Variants in KANSL3 observed in about 807,000 individuals in gnomAD.
The protein encoded by KANSL3 is KAT8 regulatory NSL complex subunit 3, also known as NSL complex protein NSL3.
Under a neutral mutation model 89.2 loss-of-function variants are expected in KANSL3, and 16 were observed. The observed-to-expected ratio is 0.18, with a 90% confidence interval of 0.12 to 0.27. The LOEUF (loss-of-function observed/expected upper bound fraction) is 0.27, where lower values mean the gene tolerates loss of function less well. KANSL3 is among the 10% of genes least tolerant of loss of function. The pLI, the probability that KANSL3 is intolerant of heterozygous loss-of-function variation, is 1.00. For synonymous variants in KANSL3, 385 were observed against 419.7 expected (o/e 0.92, Z 1.01); for missense variants, 879 against 1,110.6 (o/e 0.79, Z 2.96).
At chr2:96,584,521 T>C in the KANSL3 span, among the ~76,000 whole-genome samples, 3 of 152,220 alleles carry the variant, frequency 2.0e-5, no homozygotes, top group African/African-American at 7.2e-5. Flanking sequence ...TTGTTAATTA[T>C]AGTCAGCCTA....
Position 96,619,342 on chromosome 2 carries a change from C to A in KANSL3, c.663+17G>T, listed in dbSNP as rs1573512821. ...TGGCTATCCCTAGGACAGGGCAGACCCCAATCACAGCCTTACCTTCCCCTT... is the reference window on the plus strand; with the variant it reads ...TGGCTATCCCTAGGACAGGGCAGACACCAATCACAGCCTTACCTTCCCCTT... On this transcript the variant is annotated intron_variant, in intron 5 of 20. Transcript: ENST00000431828. 3 of 1,601,656 alleles carry A rather than the reference C, an allele frequency of 1.9e-6. No individual in the cohort carries two copies. The highest frequency in any genetic ancestry group is 2.6e-6 in the Non-Finnish European group (3 of 1,173,126).
intron 20 of KANSL3, among the ~76,000 whole-genome samples, chr2:96,601,078 G>A (rs1247356375): frequency 6.6e-6 from 1 of 152,186 alleles, no homozygotes; most frequent in Non-Finnish European, 1.5e-5. Context: ...CTTGAGGTCA[G>A]GAGTACGAGG....
intron 14 of KANSL3, chr2:96,607,096 G>A (rs926663415): frequency 1.8e-6 from 2 of 1,126,494 alleles, no homozygotes; most frequent in Non-Finnish European, 2.4e-6. Flanking sequence ...CCAGAGAAGG[G>A]AGAAAAAGAG....
chr2:96,605,576 T>C, intron 14 of KANSL3, 65 bp from the exon 15 acceptor site: 2 of 1,315,134 alleles, frequency 1.5e-6, no homozygotes, highest in East Asian at 2.3e-5. Flanking sequence ...ACTCAGTCAA[T>C]ACCAGCACCA....
chr2:96,613,619 T>G lies in KANSL3; in HGVS notation c.664A>C (p.Ile222Leu). Reference sequence around the variant, plus strand: ...AGCATCCGGTCAATCAAGGTTGGGATCTACAAAGAAGAAAGAGCAAAGATG... The same window carrying G: ...AGCATCCGGTCAATCAAGGTTGGGAGCTACAAAGAAGAAAGAGCAAAGATG... The part of the protein sequence containing the change: ...LDALQTLKGK[I>L]PTLIDRMLVS... Residue 222 changes from isoleucine to leucine, a missense_variant and splice_region_variant, in exon 6 of 21, where the codon ATC becomes CTC. Ile to Leu is a conservative substitution (Grantham distance 5). This residue lies in a region of KANSL3 where 210 missense variants were observed against 311.9 expected (regional missense o/e 0.67). Transcript: ENST00000431828. The G allele has an allele frequency of 2.5e-6, 4 of 1,611,888 alleles. No individual in the cohort carries two copies. Among genetic ancestry groups the G allele is most frequent in the Non-Finnish European group, 3.4e-6 (4 of 1,178,818 alleles).
chr2:96,610,691 A>G, intron 11 of KANSL3, 35 bp downstream of exon 11: 1 of 1,610,798 alleles, frequency 6.2e-7, no homozygotes, highest in South Asian at 1.1e-5. Context: ...ACACTGTAAC[A>G]CAGCTCTCTT....
At chr2:96,604,045 G>A in intron 17 of KANSL3, 1 of 492,826 alleles carries the variant, frequency 2.0e-6, no homozygotes, top group Non-Finnish European at 3.5e-6. Context: ...TTGCAGACCA[G>A]GACATTTACT....
chr2:96,612,663 A>G, intron 7 of KANSL3, 100 bp from the exon 8 acceptor site: 1 of 1,199,216 alleles, frequency 8.3e-7, no homozygotes, highest in African/African-American at 1.5e-5. Flanking sequence ...ATTCCACATG[A>G]AAGAAGGATT....
At chr2:96,598,104 G>A (rs1031030478) in intron 20 of KANSL3, 2 of 985,426 alleles carry the variant, frequency 2.0e-6, no homozygotes, top group Non-Finnish European at 2.4e-6. Flanking sequence ...AAGGGATCAC[G>A]TGGCAGGATC....
At chr2:96,626,136 T>C (rs1231582385) in intron 3 of KANSL3, among the ~76,000 whole-genome samples, 2 of 152,158 alleles carry the variant, frequency 1.3e-5, no homozygotes, top group Non-Finnish European at 2.9e-5. Flanking sequence ...GTCCTGAAAA[T>C]ATCTGGTATT....
intron 5 of KANSL3, 103 bp from the exon 6 acceptor site, chr2:96,613,722 G>T: frequency 9.2e-7 from 1 of 1,082,832 alleles, no homozygotes; most frequent in Non-Finnish European, 1.3e-6. Flanking sequence ...GCCATAGACA[G>T]ACTTCAACTA....
chr2:96,629,229 T>C (rs180709515), intron 3 of KANSL3, among the ~76,000 whole-genome samples: 2 of 152,372 alleles, frequency 1.3e-5, no homozygotes, highest in African/African-American at 2.4e-5. Context: ...AAAATAGTGA[T>C]AAATCCTTTT....
intron 5 of KANSL3, 41 bp downstream of exon 5, chr2:96,619,317 TG>T (rs749743377): frequency 6.4e-7 from 1 of 1,556,550 alleles, no homozygotes; most frequent in South Asian, 1.2e-5. Flanking sequence ...CAGGGGAGGA[TG>T]GCTATCCCTA....
chr2:96,603,207 G>T (rs927880969), intron 17 of KANSL3: 9 of 199,138 alleles, frequency 4.5e-5, no homozygotes, highest in South Asian at 1.2e-4. Flanking sequence ...CTTTCACTTC[G>T]CCTCACACAA....
intron 14 of KANSL3, 173 bp from the exon 15 acceptor site, chr2:96,605,684 T>G (rs2067875070): frequency 2.0e-6 from 1 of 509,364 alleles, no homozygotes; most frequent in East Asian, 3.3e-5. Context: ...ACCACTTCAC[T>G]CAGGCCCTGT....
chr2:96,615,905 G>C (rs1037970241), intron 5 of KANSL3, among the ~76,000 whole-genome samples: 1 of 152,226 alleles, frequency 6.6e-6, no homozygotes, highest in Admixed American at 6.5e-5. Flanking sequence ...TAACTGCCAT[G>C]AAAGAAACAG....
downstream of KANSL3, among the ~76,000 whole-genome samples, chr2:96,592,929 G>T (rs1213958376): frequency 2.0e-5 from 3 of 152,080 alleles, no homozygotes; most frequent in African/African-American, 2.4e-5. Flanking sequence ...CTTGAACACA[G>T]GAGGCGGAAG....
At chr2:96,628,489 A>G in intron 3 of KANSL3, 1 of 177,352 alleles carries the variant, frequency 5.6e-6, no homozygotes. Flanking sequence ...ATCTCTACAA[A>G]AACTACAAAA....
At chr2:96,583,776 C>T in the KANSL3 span, among the ~76,000 whole-genome samples, 2 of 152,142 alleles carry the variant, frequency 1.3e-5, no homozygotes, top group African/African-American at 2.4e-5. Context: ...TTTGTATATA[C>T]GTAGGAGAGG....
Sources: allele counts gnomAD v4.1 joint callset (sites outside exome capture counted in the v4.1 genomes callset), GRCh38; gene constraint gnomAD v4.1.1; regional missense constraint gnomAD v4.1.1; transcripts MANE v1.5; gene names NCBI Gene and HGNC (gene_info 2026-07-23, HGNC 2026-07-21).